Variants in BAZ2B observed in about 807,000 individuals in gnomAD.
The protein encoded by BAZ2B is bromodomain adjacent to zinc finger domain protein 2B.
In BAZ2B, 91 loss-of-function variants were observed where a neutral mutation model predicts 246.0. The observed-to-expected ratio is 0.37, with a 90% CI of 0.31 to 0.44. BAZ2B has a LOEUF of 0.44. Among genes scored for constraint, BAZ2B ranks in the 20% least tolerant of loss-of-function variants. The pLI is 1.00. For synonymous variants in BAZ2B, 855 were observed against 860.0 expected (o/e 0.99, Z 0.10); for missense variants, 2,332 against 2,533.7 (o/e 0.92, Z 1.71).
the BAZ2B span, among the ~76,000 whole-genome samples, chr2:159,642,816 T>C: frequency 6.6e-6 from 1 of 152,228 alleles, no homozygotes; most frequent in South Asian, 2.1e-4. Context: ...TTTCTAAGCC[T>C]CGGTGAATTT....
At chr2:159,420,100 T>C (rs2068464014) in intron 13 of BAZ2B, among the ~76,000 whole-genome samples, 1 of 152,212 alleles carries the variant, frequency 6.6e-6, no homozygotes, top group African/African-American at 2.4e-5. Flanking sequence ...AGAATAAGCT[T>C]CTCTAAACCA....
chr2:159,529,301 A>G (rs1301627597), intron 2 of BAZ2B, among the ~76,000 whole-genome samples: 1 of 151,504 alleles, frequency 6.6e-6, no homozygotes, highest in Non-Finnish European at 1.5e-5. Flanking sequence ...TTAAGCTTCA[A>G]TCTTCTCTTT....
the BAZ2B span, among the ~76,000 whole-genome samples, chr2:159,706,084 A>AACACACACACACACACACACACACAC: frequency 0.015 from 2,279 of 149,704 alleles, 29 homozygotes; most frequent in Non-Finnish European, 0.02. Context: ...AAACATATAT[A>AACACACACACACACACACACACACAC]ACACACACAC....
chr2:159,656,743 A>C, the BAZ2B span, among the ~76,000 whole-genome samples: 11,088 of 152,164 alleles, frequency 0.073, 521 homozygotes, highest in East Asian at 0.14. Context: ...CAATTCCCTA[A>C]TGGCATACGA....
chr2:159,630,990 T>TA, the BAZ2B span, among the ~76,000 whole-genome samples: 2 of 152,016 alleles, frequency 1.3e-5, no homozygotes, highest in Non-Finnish European at 2.9e-5. Flanking sequence ...GCTCAGGAGT[T>TA]AGAGACCAGC....
chr2:159,582,661 A>G (rs142675359), intron 1 of BAZ2B, among the ~76,000 whole-genome samples: 88 of 152,298 alleles, frequency 5.8e-4, no homozygotes, highest in African/African-American at 2.0e-3. Flanking sequence ...CTGGGATTAC[A>G]GGTGTAAGCC....
chr2:159,670,259 C>A, the BAZ2B span, among the ~76,000 whole-genome samples: 1 of 152,246 alleles, frequency 6.6e-6, no homozygotes, highest in African/African-American at 2.4e-5. Flanking sequence ...GCGTGAGCTA[C>A]CACGCCCAGC....
intron 2 of BAZ2B, among the ~76,000 whole-genome samples, chr2:159,537,442 G>T (rs1158383709): frequency 6.6e-6 from 1 of 152,230 alleles, no homozygotes; most frequent in Non-Finnish European, 1.5e-5. Flanking sequence ...ACCTGTCTGT[G>T]TTAAGTGGAG....
At chr2:159,606,903 C>G (rs897436076) in intron 1 of BAZ2B, among the ~76,000 whole-genome samples, 6 of 143,254 alleles carry the variant, frequency 4.2e-5, no homozygotes, top group Non-Finnish European at 9.0e-5. Flanking sequence ...TTTTCATACT[C>G]TTTTTTAGTG....
intron 31 of BAZ2B, among the ~76,000 whole-genome samples, chr2:159,345,456 T>C (rs2067626727): frequency 1.3e-5 from 2 of 152,166 alleles, no homozygotes; most frequent in South Asian, 4.1e-4. Flanking sequence ...CTGTACATTA[T>C]CATTTATGAT....
chr2:159,377,532 T>C (rs61581833), intron 25 of BAZ2B, among the ~76,000 whole-genome samples: 23,098 of 152,094 alleles, frequency 0.15, 2,423 homozygotes, highest in African/African-American at 0.3. Flanking sequence ...AAGTGAAATA[T>C]GGCTGGGTGC....
chr2:159,553,231 C>T (rs895724860), intron 2 of BAZ2B, among the ~76,000 whole-genome samples: 2 of 151,524 alleles, frequency 1.3e-5, no homozygotes, highest in Non-Finnish European at 2.9e-5. Flanking sequence ...CCTGTCTCTA[C>T]TAAAAATACA....
intron 1 of BAZ2B, among the ~76,000 whole-genome samples, chr2:159,601,269 C>G (rs1483377339): frequency 1.3e-5 from 2 of 152,088 alleles, no homozygotes; most frequent in African/African-American, 4.8e-5. Flanking sequence ...GGTAAACAAG[C>G]ATTACCAGTT....
chr2:159,558,795 A>G lies in BAZ2B; in HGVS notation c.-45-2930T>C, dbSNP rs112207382. On this transcript the variant is annotated intron_variant, in intron 1 of 36. Coordinates refer to ENST00000392783, the MANE Select transcript of BAZ2B (RefSeq NM_013450.4). Reference sequence around the variant, plus strand: ...TAGAGACATAGAAAATACAATGAATAAAGGCACATGAAGAAAGATTTCCAA... The same window carrying G: ...TAGAGACATAGAAAATACAATGAATGAAGGCACATGAAGAAAGATTTCCAA... 9.5e-3 allele frequency among the ~76,000 whole-genome samples: 1,440 copies of G among 152,304 alleles called. 12 individuals carry two copies. Among genetic ancestry groups the G allele is most frequent in the Non-Finnish European group, 0.015 (1,016 of 68,024 alleles).
chr2:159,511,104 A>G (rs1370858553), intron 2 of BAZ2B, among the ~76,000 whole-genome samples: 1 of 152,218 alleles, frequency 6.6e-6, no homozygotes, highest in Non-Finnish European at 1.5e-5. Context: ...ATCAAAAAAT[A>G]TTCAATTTTA....
intron 2 of BAZ2B, among the ~76,000 whole-genome samples, chr2:159,500,327 T>C (rs1363886087): frequency 6.6e-6 from 1 of 152,176 alleles, no homozygotes; most frequent in Non-Finnish European, 1.5e-5. Context: ...CAGATGATTG[T>C]AGGTGTGTGA....
the BAZ2B span, among the ~76,000 whole-genome samples, chr2:159,640,435 G>A: frequency 1.3e-5 from 2 of 151,988 alleles, no homozygotes; most frequent in African/African-American, 4.8e-5. Context: ...CTCAAGGATA[G>A]ACCATAAATT....
the BAZ2B span, among the ~76,000 whole-genome samples, chr2:159,632,528 T>C: frequency 1.3e-5 from 2 of 152,250 alleles, no homozygotes; most frequent in Non-Finnish European, 2.9e-5. Flanking sequence ...TTTATCTCTA[T>C]TGTACTATGG....
chr2:159,623,136 A>G, the BAZ2B span, among the ~76,000 whole-genome samples: 1 of 151,130 alleles, frequency 6.6e-6, no homozygotes, highest in African/African-American at 2.4e-5. Flanking sequence ...AGAGAAAAAG[A>G]AAGATAAAAG....
Sources: gnomAD v4.1 joint callset for allele counts (sites outside exome capture counted in the v4.1 genomes callset) on GRCh38, gnomAD v4.1.1 for gene constraint, MANE v1.5 for transcripts, NCBI Gene and HGNC (gene_info 2026-07-23, HGNC 2026-07-21) for gene names.